TNR: variants seen among roughly 807,000 people sequenced by gnomAD.
TNR encodes tenascin R, also known as tenascin-R.
TNR carries 45 observed loss-of-function variants against 150.4 expected under a neutral mutation model. That is an observed-to-expected ratio of 0.30 (90% CI 0.24 to 0.38). The LOEUF is 0.38. Ranked by LOEUF, TNR falls within the 10% of genes least tolerant of loss-of-function variation. TNR has a pLI of 1.00. For synonymous variants in TNR, 687 were observed against 678.4 expected (o/e 1.01, Z -0.20); for missense variants, 1,544 against 1,759.1 (o/e 0.88, Z 2.19).
chr1:175,362,167 TG>T (rs1248468873), intron 14 of TNR, among the ~76,000 whole-genome samples: 1 of 152,066 alleles, frequency 6.6e-6, no homozygotes, highest in East Asian at 1.9e-4. Flanking sequence ...TGGTCCCGGG[TG>T]AGGGAGTTAT....
intron 1 of TNR, among the ~76,000 whole-genome samples, chr1:175,560,858 G>T (rs1040833364): frequency 6.6e-6 from 1 of 152,158 alleles, no homozygotes; most frequent in Non-Finnish European, 1.5e-5. Context: ...AAGCCTCTGG[G>T]TGACCACTTA....
At chr1:175,613,739 G>T (rs968036511) in intron 1 of TNR, among the ~76,000 whole-genome samples, 3 of 152,104 alleles carry the variant, frequency 2.0e-5, no homozygotes, top group Non-Finnish European at 4.4e-5. Flanking sequence ...CCCTTCTTCA[G>T]GAAAACACTG....
At chr1:175,718,722 G>A (rs1286300649) in intron 1 of TNR, among the ~76,000 whole-genome samples, 1 of 152,226 alleles carries the variant, frequency 6.6e-6, no homozygotes, top group Non-Finnish European at 1.5e-5. Flanking sequence ...AGAAGGGCTT[G>A]GGAGATCTGT....
chr1:175,682,930 A>G (rs1216026572), intron 1 of TNR, among the ~76,000 whole-genome samples: 1 of 152,204 alleles, frequency 6.6e-6, no homozygotes, highest in Non-Finnish European at 1.5e-5. Context: ...ATGTGTAGCT[A>G]GAGCCAGGAA....
intron 2 of TNR, among the ~76,000 whole-genome samples, chr1:175,474,393 A>G (rs576328759): frequency 2.6e-5 from 4 of 152,308 alleles, no homozygotes; most frequent in Non-Finnish European, 5.9e-5. Context: ...TGAGCCAGCC[A>G]TGTGAAGAGA....
At chr1:175,409,096 C>T (rs1392467296) in intron 2 of TNR, among the ~76,000 whole-genome samples, 1 of 152,202 alleles carries the variant, frequency 6.6e-6, no homozygotes, top group Non-Finnish European at 1.5e-5. Context: ...CTTTCAGGAT[C>T]CCTAGGCGTG....
chr1:175,725,957 A>C (rs890646647), intron 1 of TNR, among the ~76,000 whole-genome samples: 1 of 152,188 alleles, frequency 6.6e-6, no homozygotes, highest in Non-Finnish European at 1.5e-5. Flanking sequence ...AAGTGGAATG[A>C]TGGGAGGAAG....
At chr1:175,496,402 T>C (rs959154208) in intron 2 of TNR, among the ~76,000 whole-genome samples, 2 of 152,168 alleles carry the variant, frequency 1.3e-5, no homozygotes, top group African/African-American at 4.8e-5. Context: ...CCTTATTCCA[T>C]GAAATAAGTA....
chr1:175,502,414 A>C (rs1213474146), intron 2 of TNR, among the ~76,000 whole-genome samples: 1 of 152,176 alleles, frequency 6.6e-6, no homozygotes, highest in East Asian at 1.9e-4. Context: ...AAACTTTCCC[A>C]TGCAAGACTT....
intron 1 of TNR, among the ~76,000 whole-genome samples, chr1:175,613,250 C>T (rs1296509971): frequency 6.6e-6 from 1 of 152,132 alleles, no homozygotes; most frequent in East Asian, 1.9e-4. Flanking sequence ...GTCTCTGTAG[C>T]TAGGTCCTAT....
At chr1:175,626,195 A>T (rs369787962) in intron 1 of TNR, among the ~76,000 whole-genome samples, 1 of 152,304 alleles carries the variant, frequency 6.6e-6, no homozygotes. Context: ...TTCCTTTTGT[A>T]AATTGCCCGG....
intron 1 of TNR, among the ~76,000 whole-genome samples, chr1:175,580,128 G>A (rs1662293500): frequency 6.6e-6 from 1 of 152,180 alleles, no homozygotes; most frequent in Non-Finnish European, 1.5e-5. Context: ...GGTGGCTCTG[G>A]CAGCTGATGC....
At chr1:175,631,486 G>A (rs1379923523) in intron 1 of TNR, among the ~76,000 whole-genome samples, 1 of 152,054 alleles carries the variant, frequency 6.6e-6, no homozygotes, top group Non-Finnish European at 1.5e-5. Context: ...TTTCTTTGGT[G>A]ATTTTTTTTT....
chr1:175,557,056 C>T (rs1056807241), intron 1 of TNR, among the ~76,000 whole-genome samples: 4 of 152,188 alleles, frequency 2.6e-5, no homozygotes, highest in African/African-American at 9.7e-5. Flanking sequence ...GATGTCTCCC[C>T]ACTGCCCAAT....
intron 2 of TNR, among the ~76,000 whole-genome samples, chr1:175,504,436 T>C (rs1317614484): frequency 6.6e-6 from 1 of 152,150 alleles, no homozygotes; most frequent in Non-Finnish European, 1.5e-5. Context: ...ATCGACACTT[T>C]GTGCAGCTGC....
At position 175,632,898 on chromosome 1, in the gene TNR, C is replaced by A. The variant is rs147144582; in HGVS notation, c.-164-104529G>T. On this transcript the variant is annotated intron_variant, in intron 1 of 22. Coordinates refer to ENST00000367674, the MANE Select transcript of TNR (RefSeq NM_003285.3). ...GAGACTCTCTCACTGTACCACACTGCCTCCCTATACAAGGTTATGATGTCT... is the reference window on the plus strand; with the variant it reads ...GAGACTCTCTCACTGTACCACACTGACTCCCTATACAAGGTTATGATGTCT... Among the ~76,000 whole-genome samples, 655 of 152,292 alleles carry A rather than the reference C, an allele frequency of 4.3e-3. 4 individuals carry two copies. Among genetic ancestry groups the A allele is most frequent in the African/African-American group, 0.015 (615 of 41,550 alleles).
intron 1 of TNR, among the ~76,000 whole-genome samples, chr1:175,652,353 C>T (rs1468467959): frequency 6.6e-6 from 1 of 151,794 alleles, no homozygotes; most frequent in African/African-American, 2.4e-5. Flanking sequence ...TCACCAGTGG[C>T]CATGGCAGAC....
intron 1 of TNR, among the ~76,000 whole-genome samples, chr1:175,664,538 A>T (rs1394874633): frequency 2.6e-5 from 4 of 152,140 alleles, no homozygotes; most frequent in Non-Finnish European, 5.9e-5. Context: ...GTGGTAGGCT[A>T]CTCTGAAAAA....
At chr1:175,326,314 G>T (rs1048008457) in intron 21 of TNR, among the ~76,000 whole-genome samples, 2 of 152,138 alleles carry the variant, frequency 1.3e-5, no homozygotes, top group African/African-American at 2.4e-5. Flanking sequence ...AATGAAAGAG[G>T]TCTTGGGTGC....
Sources: gnomAD v4.1 joint callset for allele counts (sites outside exome capture counted in the v4.1 genomes callset) on GRCh38, gnomAD v4.1.1 for gene constraint, MANE v1.5 for transcripts, NCBI Gene and HGNC (gene_info 2026-07-23, HGNC 2026-07-21) for gene names.